The following FBXL13 variants were observed in gnomAD, a reference collection of about 807,000 sequenced individuals.
FBXL13 encodes the protein F-box and leucine-rich repeat protein 13.
FBXL13 carries 67 observed loss-of-function variants against 83.6 expected under a neutral mutation model. The observed-to-expected ratio is 0.80, with a 90% CI of 0.66 to 0.98. The LOEUF is 0.98. Among genes scored for constraint, FBXL13 ranks in the 50% least tolerant of loss-of-function variants. The probability of loss-of-function intolerance (pLI) is 0.00; values close to 1 mark genes in which losing one functional copy is unlikely to be tolerated. For synonymous variants in FBXL13, 272 were observed against 299.5 expected, an observed-to-expected ratio of 0.91 and a Z score of 0.95; for missense variants, 822 against 866.5, an observed-to-expected ratio of 0.95 and a Z score of 0.64.
chr7:103,071,642 G>A (rs1215095177), intron 1 of FBXL13, among the ~76,000 whole-genome samples: 2 of 149,040 alleles, frequency 1.3e-5, no homozygotes, highest in Non-Finnish European at 3.0e-5. Flanking sequence ...CAATCCACCT[G>A]CCTTGGGCTC....
chr7:102,953,617 A>C (rs1264356405), intron 8 of FBXL13, among the ~76,000 whole-genome samples: 1 of 152,174 alleles, frequency 6.6e-6, no homozygotes, highest in Non-Finnish European at 1.5e-5. Context: ...GTTGCTCAAC[A>C]TTGTTAATAT....
At chr7:103,022,502 T>A (rs2129487830) in intron 6 of FBXL13, among the ~76,000 whole-genome samples, 1 of 149,760 alleles carries the variant, frequency 6.7e-6, no homozygotes, top group Non-Finnish European at 1.5e-5. Context: ...AAATATAGAC[T>A]AATGGAACAG....
intron 10 of FBXL13, among the ~76,000 whole-genome samples, chr7:102,916,794 G>GA (rs1404448629): frequency 6.6e-6 from 1 of 151,006 alleles, no homozygotes; most frequent in East Asian, 2.0e-4. Flanking sequence ...TTTCTTATGG[G>GA]GGGGGGTGTG....
At chr7:102,852,473 T>G (rs1447458485) in intron 17 of FBXL13, among the ~76,000 whole-genome samples, 4 of 151,640 alleles carry the variant, frequency 2.6e-5, no homozygotes, top group Non-Finnish European at 5.9e-5. Context: ...TACAACGAAC[T>G]CAAACAAATT....
intron 9 of FBXL13, 46 bp downstream of exon 10, chr7:102,931,835 A>G: frequency 6.4e-7 from 1 of 1,568,316 alleles, no homozygotes; most frequent in South Asian, 1.1e-5. Flanking sequence ...CCAATGTAGC[A>G]AGTCAATCTA....
At position 102,814,090 on chromosome 7, in the gene FBXL13, T is replaced by TA. The variant is rs1490415144; in HGVS notation, c.2019-560dup. 2.6e-5 allele frequency among the ~76,000 whole-genome samples: 4 copies of TA among 152,216 alleles called. No homozygotes were observed. In the East Asian group the frequency reaches 7.7e-4, roughly 29 times the overall value. On this transcript the variant is annotated intron_variant, in intron 19 of 19. Coordinates refer to ENST00000313221, the Ensembl canonical transcript of FBXL13. ...ATAACACAGTATTAAAAAATACTGT[T>TA]ATAGTCTTTCTTAGCAGGAAACAAG...
At chr7:103,014,160 A>T (rs1039641807) in intron 6 of FBXL13, among the ~76,000 whole-genome samples, 6 of 152,210 alleles carry the variant, frequency 3.9e-5, no homozygotes, top group Non-Finnish European at 8.8e-5. Context: ...GTAAGATTAT[A>T]AAAAGGCCAG....
chr7:103,001,979 G>A (rs188802719), intron 6 of FBXL13, among the ~76,000 whole-genome samples: 14 of 152,082 alleles, frequency 9.2e-5, no homozygotes, highest in Admixed American at 2.0e-4. Flanking sequence ...CTATTGGTTC[G>A]GTCCCACTGG....
chr7:102,834,878 A>ATG (rs57047697), intron 17 of FBXL13, among the ~76,000 whole-genome samples: 11,682 of 147,028 alleles, frequency 0.079, 442 homozygotes, highest in African/African-American at 0.092. Context: ...CCATTCCACA[A>ATG]TGTGTGTGTG....
intron 10 of FBXL13, among the ~76,000 whole-genome samples, chr7:102,925,426 A>G (rs1817934320): frequency 6.6e-6 from 1 of 152,084 alleles, no homozygotes; most frequent in Non-Finnish European, 1.5e-5. Flanking sequence ...TTTTTGATAA[A>G]TTTGAATATT....
intron 16 of FBXL13, among the ~76,000 whole-genome samples, chr7:102,869,460 A>G (rs1341300342): frequency 6.6e-6 from 1 of 152,112 alleles, no homozygotes; most frequent in African/African-American, 2.4e-5. Context: ...TTTGCTGTAC[A>G]GAAGCTTTTT....
At chr7:102,895,599 T>A (rs1434589606) in intron 11 of FBXL13, among the ~76,000 whole-genome samples, 1 of 152,188 alleles carries the variant, frequency 6.6e-6, no homozygotes, top group East Asian at 1.9e-4. Context: ...CCTGGCTTCC[T>A]GCAGAGGGCC....
intron 10 of FBXL13, among the ~76,000 whole-genome samples, chr7:102,922,281 A>G (rs973124050): frequency 2.0e-5 from 3 of 152,066 alleles, no homozygotes. Flanking sequence ...GAAAGTTAAA[A>G]CAATACTTAT....
intron 8 of FBXL13, among the ~76,000 whole-genome samples, chr7:102,941,554 T>C (rs1175370422): frequency 6.6e-6 from 1 of 152,184 alleles, no homozygotes; most frequent in Non-Finnish European, 1.5e-5. Context: ...GCAATTCCCC[T>C]GTCTTGATAA....
intron 6 of FBXL13, among the ~76,000 whole-genome samples, chr7:102,987,834 G>A (rs1829148808): frequency 6.6e-6 from 1 of 152,210 alleles, no homozygotes; most frequent in Non-Finnish European, 1.5e-5. Flanking sequence ...AGTCCCATAA[G>A]AGAGGTGGGG....
intron 2 of FBXL13, among the ~76,000 whole-genome samples, chr7:103,034,847 T>G (rs1794919003): frequency 6.6e-6 from 1 of 152,238 alleles, no homozygotes; most frequent in South Asian, 2.1e-4. Flanking sequence ...AAACTTAAAC[T>G]AATGTGATAC....
chr7:102,976,491 A>G (rs912027828), intron 6 of FBXL13, among the ~76,000 whole-genome samples: 2 of 152,128 alleles, frequency 1.3e-5, no homozygotes, highest in African/African-American at 4.8e-5. Flanking sequence ...CACGTTCCCC[A>G]TAATACCCAA....
chr7:102,950,673 A>G lies in FBXL13; in HGVS notation c.724+12860T>C, dbSNP rs567119237. Among the ~76,000 whole-genome samples, 14 of 152,364 alleles carry G rather than the reference A, an allele frequency of 9.2e-5. 1 individual carries two copies. The East Asian group carries it at 2.3e-3, about 25-fold the overall frequency. On this transcript the variant is annotated intron_variant, in intron 8 of 19. Transcript: ENST00000313221. The stretch of plus-strand genomic sequence containing the variant: ...TTCAGACAATGGAATATTATTCAGC[A>G]TTAAAAAAATGATTTATCAAGCCAT...
chr7:102,943,924 C>T (rs904897609), intron 8 of FBXL13, among the ~76,000 whole-genome samples: 2 of 152,160 alleles, frequency 1.3e-5, no homozygotes, highest in African/African-American at 4.8e-5. Context: ...CACCTTCCCA[C>T]CAGAGCTGGG....
Sources: gnomAD v4.1 joint callset for allele counts (sites outside exome capture counted in the v4.1 genomes callset) on GRCh38, gnomAD v4.1.1 for gene constraint, MANE v1.5 for transcripts, NCBI Gene and HGNC (gene_info 2026-07-23, HGNC 2026-07-21) for gene names.